The following BRCA2 variants were observed in gnomAD, a reference collection of about 807,000 sequenced individuals.
BRCA2 encodes the protein breast cancer type 2 susceptibility protein.
In BRCA2, 203 loss-of-function variants were observed where a neutral mutation model predicts 276.7. That is an observed-to-expected ratio of 0.73 (90% CI 0.65 to 0.82). BRCA2 has a LOEUF of 0.82. BRCA2 is among the 40% of genes least tolerant of loss of function. The pLI, the probability that BRCA2 is intolerant of heterozygous loss-of-function variation, is 0.00. For synonymous variants in BRCA2, 1,289 were observed against 1,338.4 expected, an observed-to-expected ratio of 0.96 and a Z score of 0.81; for missense variants, 3,920 against 3,915.0, an observed-to-expected ratio of 1.00 and a Z score of -0.03.
rs556392709 is a variant in BRCA2 at position 32,399,324 on chromosome 13, A to AT, written c.*562dup. 18 of 193,530 alleles carry AT rather than the reference A, an allele frequency of 9.3e-5. No homozygotes were observed. Among genetic ancestry groups the AT allele is most frequent in the South Asian group, 1.9e-4 (1 of 5,152 alleles). 12.0% of individuals were successfully genotyped at this position (193,530 alleles called of 1,614,324 possible). On this transcript the variant is annotated 3_prime_UTR_variant, in exon 27 of 27. Transcript: ENST00000380152. ...TTTAGTTTAGCTACTATTTTAGGGG[A>AT]TTTTTTTTAGAGGTAACTCACTATG...
At chr13:32,376,895 C>G in intron 21 of BRCA2, 104 bp downstream of exon 21, 1 of 1,489,408 alleles carries the variant, frequency 6.7e-7, no homozygotes, top group South Asian at 1.2e-5. Flanking sequence ...TGAAATGCTG[C>G]ATTTCTCAAA....
intron 2 of BRCA2, among the ~76,000 whole-genome samples, chr13:32,317,423 T>G (rs2072271254): frequency 6.6e-6 from 1 of 152,166 alleles, no homozygotes; most frequent in Non-Finnish European, 1.5e-5. Flanking sequence ...GGTAGAAGTA[T>G]GTGAAAAAAA....
rs587781826 is a variant in BRCA2, at chr13:32,340,046, G to T, written c.5691G>T (p.Leu1897Phe). The change falls in exon 11 of 27, where the codon TTG (leucine) becomes TTT (phenylalanine). Residue 1897 changes from leucine to phenylalanine, a missense_variant. Leu to Phe is a conservative substitution (Grantham distance 22). Coordinates refer to ENST00000380152, the MANE Select transcript of BRCA2 (RefSeq NM_000059.4). ...TKIMAGCYEALDDSEDILHNS... is the reference protein window; with the variant it reads ...TKIMAGCYEAFDDSEDILHNS... ...TTATGGCAGGTTGTTACGAGGCATTGGATGATTCAGAGGATATTCTTCATA... is the reference window on the plus strand; with the variant it reads ...TTATGGCAGGTTGTTACGAGGCATTTGATGATTCAGAGGATATTCTTCATA... The T allele has an allele frequency of 1.2e-6, 2 of 1,613,602 alleles. No individual in the cohort carries two copies. The highest frequency in any genetic ancestry group is 1.3e-5 in the African/African-American group (1 of 75,020).
chr13:32,347,506 T>C (rs1297325197), intron 13 of BRCA2, among the ~76,000 whole-genome samples: 2 of 152,150 alleles, frequency 1.3e-5, no homozygotes, highest in East Asian at 3.8e-4. Flanking sequence ...CCACTGCAAA[T>C]AGGCGGTTAT....
intron 16 of BRCA2, among the ~76,000 whole-genome samples, chr13:32,360,371 C>CT (rs1299779985): frequency 1.3e-5 from 2 of 151,970 alleles, no homozygotes; most frequent in African/African-American, 4.8e-5. Context: ...CATGATCTGA[C>CT]TTTTTTTTGA....
chr13:32,369,485 C>T (rs2072812352), intron 18 of BRCA2, among the ~76,000 whole-genome samples: 2 of 152,128 alleles, frequency 1.3e-5, no homozygotes, highest in Non-Finnish European at 2.9e-5. Context: ...GCTGAATAAC[C>T]TTGGGCAAGT....
chr13:32,369,176 C>T (rs970583588), intron 18 of BRCA2, among the ~76,000 whole-genome samples: 25 of 151,826 alleles, frequency 1.6e-4, no homozygotes, highest in Admixed American at 1.2e-3. Context: ...CCAGAGTCCA[C>T]GATATGTATG....
At chr13:32,377,087 A>C (rs1457325499) in intron 21 of BRCA2, among the ~76,000 whole-genome samples, 1 of 152,182 alleles carries the variant, frequency 6.6e-6, no homozygotes, top group Non-Finnish European at 1.5e-5. Context: ...AAGCAAAAAA[A>C]CTTTTTTATT....
intron 18 of BRCA2, among the ~76,000 whole-genome samples, chr13:32,367,528 G>T (rs1008626000): frequency 6.6e-6 from 1 of 151,696 alleles, no homozygotes; most frequent in African/African-American, 2.4e-5. Flanking sequence ...TAAAGCCCAG[G>T]CACAGTGTCT....
intron 9 of BRCA2, among the ~76,000 whole-genome samples, chr13:32,331,477 C>T (rs936881534): frequency 6.6e-5 from 10 of 152,102 alleles, no homozygotes; most frequent in East Asian, 1.9e-4. Context: ...GTGGGAGGAT[C>T]GCTTAAGCCC....
intron 18 of BRCA2, among the ~76,000 whole-genome samples, chr13:32,364,091 T>C (rs941560261): frequency 3.3e-5 from 5 of 152,192 alleles, no homozygotes; most frequent in Admixed American, 6.5e-5. Context: ...TTAAACATTT[T>C]TAAGGTAAAG....
In BRCA2 at chr13:32,355,152, A is replaced by G. The variant is rs749310833; in HGVS notation, c.7299A>G (p.Gln2433=). 3.7e-6 allele frequency: 6 copies of G among 1,613,862 alleles called. No homozygotes were observed. In the East Asian group the frequency reaches 6.7e-5, roughly 18 times the overall value. ...ATATTAACTTGGAGGAAAACAGACA[A>G]AAGCAAAACATTGATGGACATGGCT... ...VRNINLEENR[Q]KQNIDGHGSD... Residue 2433 remains glutamine, a synonymous_variant, in exon 14 of 27, where the codon CAA becomes CAG. Coordinates refer to ENST00000380152, the MANE Select transcript of BRCA2 (RefSeq NM_000059.4).
At chr13:32,321,996 T>C (rs906637516) in intron 3 of BRCA2, among the ~76,000 whole-genome samples, 2 of 152,224 alleles carry the variant, frequency 1.3e-5, no homozygotes, top group Non-Finnish European at 2.9e-5. Flanking sequence ...GGATGTGTTA[T>C]TATTAGCTGA....
intron 25 of BRCA2, among the ~76,000 whole-genome samples, chr13:32,396,431 T>A (rs774439153): frequency 2.0e-5 from 3 of 152,208 alleles, no homozygotes; most frequent in African/African-American, 4.8e-5. Flanking sequence ...CAAGCAACAG[T>A]TTCATGTAGT....
intron 16 of BRCA2, among the ~76,000 whole-genome samples, chr13:32,358,998 G>C (rs2072720624): frequency 6.6e-6 from 1 of 151,088 alleles, no homozygotes; most frequent in South Asian, 2.1e-4. Flanking sequence ...GAGGTGGGCA[G>C]ATCACCTGAG....
At chr13:32,367,413 G>A (rs1043815319) in intron 18 of BRCA2, among the ~76,000 whole-genome samples, 4 of 151,900 alleles carry the variant, frequency 2.6e-5, no homozygotes, top group Non-Finnish European at 4.4e-5. Flanking sequence ...TTCTAGCCTG[G>A]GTGACAGAGC....
At position 32,340,585 on chromosome 13, in the gene BRCA2, A is replaced by C. The variant is rs955263930; in HGVS notation, c.6230A>C (p.Lys2077Thr). 6.2e-7 allele frequency: 1 copy of C among 1,610,494 alleles called. No homozygotes were observed. The highest frequency in any genetic ancestry group is 8.5e-7 in the Non-Finnish European group (1 of 1,178,154). Residue 2077 changes from lysine (K) to threonine (T), a missense_variant, in exon 11 of 27, where the codon AAG becomes ACG. Around this residue, in one of 2 missense-constraint regions of BRCA2, gnomAD observed 3,263 missense variants for 3,156.9 expected, o/e 1.03. Coordinates refer to ENST00000380152, the MANE Select transcript of BRCA2 (RefSeq NM_000059.4). ...SILESSLHKV[K>T]GVLEEFDLIR... ...TTAGAAAGTTCCTTACACAAAGTTA[A>C]GGGAGTGTTAGAGGAATTTGATTTA... is the stretch of plus-strand genomic sequence containing the variant.
intron 24 of BRCA2, among the ~76,000 whole-genome samples, chr13:32,394,128 C>CT (rs1380195303): frequency 1.3e-5 from 2 of 152,140 alleles, no homozygotes; most frequent in African/African-American, 2.4e-5. Flanking sequence ...CGTCCTCACT[C>CT]TTTTTTTACA....
chr13:32,380,045 G>A lies in BRCA2; in HGVS notation c.9156G>A (p.Arg3052=), dbSNP rs2137624864. 1 of 1,614,030 alleles carries A rather than the reference G, an allele frequency of 6.2e-7. No individual in the cohort carries two copies. The highest frequency in any genetic ancestry group is 1.7e-5 in the Admixed American group (1 of 60,012). ...DEILFQIYQP[R]EPLHFSKFLD... Reference sequence around the variant, plus strand: ...TTTTATTTCAGATTTACCAGCCACGGGAGCCCCTTCACTTCAGCAAATTTT... The same window carrying A: ...TTTTATTTCAGATTTACCAGCCACGAGAGCCCCTTCACTTCAGCAAATTTT... The change falls in exon 24 of 27, where the codon CGG becomes CGA. Residue 3052 remains arginine (R), a synonymous_variant. Transcript: ENST00000380152.
Sources: allele counts gnomAD v4.1 joint callset (sites outside exome capture counted in the v4.1 genomes callset), GRCh38; gene constraint gnomAD v4.1.1; regional missense constraint gnomAD v4.1.1; transcripts MANE v1.5; gene names NCBI Gene and HGNC (gene_info 2026-07-23, HGNC 2026-07-21).